The following HABP4 variants were observed in gnomAD, a reference collection of about 807,000 sequenced individuals.
HABP4 encodes the protein intracellular hyaluronan-binding protein 4.
A neutral mutation model predicts 44.1 loss-of-function variants in HABP4; 32 were observed. That is an observed-to-expected ratio of 0.73 (90% CI 0.55 to 0.97). The LOEUF (loss-of-function observed/expected upper bound fraction) is 0.97. HABP4 is among the 50% of genes least tolerant of loss of function. The pLI is 0.00. For missense variants in HABP4, 503 were observed against 561.9 expected (o/e 0.90, Z 1.06); for synonymous variants, 216 against 218.0 (o/e 0.99, Z 0.08).
chr9:96,474,063 G>C (rs1377459269), intron 5 of HABP4, among the ~76,000 whole-genome samples: 1 of 152,170 alleles, frequency 6.6e-6, no homozygotes, highest in Non-Finnish European at 1.5e-5. Context: ...TCCTAGAGTG[G>C]TGCCTGGCAT....
chr9:96,456,771 AAAAAAAAAAATATATATATATATAT>A (rs1469223733), intron 1 of HABP4, among the ~76,000 whole-genome samples: 3 of 70,740 alleles, frequency 4.2e-5, no homozygotes, highest in Non-Finnish European at 7.5e-5. Flanking sequence ...AAAAAAAAAA[AAAAAAAAAAATATATATATATATAT>A]ATATATATAT....
intron 1 of HABP4, among the ~76,000 whole-genome samples, chr9:96,456,768 AAAAAAAAAAAAAATATATATAT>A (rs1212963018): frequency 1.6e-5 from 1 of 61,050 alleles, no homozygotes; most frequent in African/African-American, 7.9e-5. Context: ...TCAAAAAAAA[AAAAAAAAAAAAAATATATATAT>A]ATATATATAT....
In HABP4 at chr9:96,488,223, C is replaced by A. The variant is rs146961411; in HGVS notation, c.1134C>A (p.Gly378=). 1.4e-5 allele frequency: 23 copies of A among 1,613,532 alleles called. No individual in the cohort carries two copies. The highest frequency in any genetic ancestry group is 1.9e-5 in the Non-Finnish European group (22 of 1,179,628). Residue 378 remains glycine, a synonymous_variant, in exon 7 of 8, where the codon GGC becomes GGA. Transcript: ENST00000375249. The surrounding 1 kb of genome is among the most constrained non-coding windows in gnomAD (Gnocchi z 4.6). ...GRGARGGTRG[G]RGRIRRAENY... ...GAGCCAGAGGAGGCACCCGGGGAGG[C>A]CGGGGAAGGATCAGGAGGGCAGAGA...
At chr9:96,475,875 C>T (rs1318643333) in intron 5 of HABP4, among the ~76,000 whole-genome samples, 1 of 152,132 alleles carries the variant, frequency 6.6e-6, no homozygotes, top group Non-Finnish European at 1.5e-5. Flanking sequence ...AGTGTATTTG[C>T]TTAAACAATG....
Position 96,489,682 on chromosome 9 carries a change from C to T in HABP4, c.1186-300C>T, listed in dbSNP as rs182629171. On this transcript the variant is annotated intron_variant, in intron 7 of 7. Transcript: ENST00000375249. ...GCACTGTCTGTGCTCCTCCAGTGCC[C>T]GGCACGCAGTAACCATTCTATTTAC... Among the ~76,000 whole-genome samples, 5 of 152,366 alleles carry T rather than the reference C, an allele frequency of 3.3e-5. No individual in the cohort carries two copies. In the East Asian group the frequency reaches 5.8e-4, roughly 18 times the overall value.
chr9:96,451,472 G>T, intron 1 of HABP4: 1 of 985,092 alleles, frequency 1.0e-6, no homozygotes, highest in South Asian at 4.7e-5. Context: ...TTGAAATGAG[G>T]CAGCGGTCCC....
chr9:96,463,222 A>G (rs1020719457), intron 2 of HABP4, among the ~76,000 whole-genome samples: 14 of 152,052 alleles, frequency 9.2e-5, no homozygotes, highest in East Asian at 1.9e-4. Flanking sequence ...CTGGGATTGC[A>G]GGAGTGAGCC....
At chr9:96,471,432 C>T (rs948431121) in intron 5 of HABP4, among the ~76,000 whole-genome samples, 2 of 152,062 alleles carry the variant, frequency 1.3e-5, no homozygotes, top group African/African-American at 4.8e-5. Context: ...TGAGCCACCG[C>T]ACCTGGCCTT....
chr9:96,455,539 G>T (rs968151939), intron 1 of HABP4, among the ~76,000 whole-genome samples: 2 of 151,634 alleles, frequency 1.3e-5, no homozygotes, highest in African/African-American at 2.4e-5. Context: ...TGAGGCGGGT[G>T]GATCACCTGA....
chr9:96,457,285 G>A (rs1458013498), intron 1 of HABP4, among the ~76,000 whole-genome samples: 1 of 152,056 alleles, frequency 6.6e-6, no homozygotes, highest in Non-Finnish European at 1.5e-5. Context: ...AGGTTGCAGT[G>A]AGCCGAGATC....
At chr9:96,471,149 C>CT (rs35109507) in intron 5 of HABP4, 55 bp downstream of exon 5, 36,174 of 734,562 alleles carry the variant, frequency 0.049, 1 homozygote, top group East Asian at 0.088. Context: ...TTAATGATTT[C>CT]TTTTTTTTTT....
intron 4 of HABP4, among the ~76,000 whole-genome samples, chr9:96,466,205 A>G (rs570712913): frequency 6.6e-6 from 1 of 152,178 alleles, no homozygotes; most frequent in South Asian, 2.1e-4. Context: ...CCCCGTTTCT[A>G]CTAAAAATAC....
intron 2 of HABP4, among the ~76,000 whole-genome samples, chr9:96,464,970 A>G (rs1188210193): frequency 6.6e-6 from 1 of 152,158 alleles, no homozygotes. Context: ...TTTTTTGAGT[A>G]AGGAAACTAG....
chr9:96,453,156 TC>T (rs1220734504), intron 1 of HABP4, among the ~76,000 whole-genome samples: 2 of 145,540 alleles, frequency 1.4e-5, no homozygotes, highest in Non-Finnish European at 3.0e-5. Context: ...AACCTCTGCC[TC>T]CCCGGTTCAA....
intron 2 of HABP4, among the ~76,000 whole-genome samples, chr9:96,458,912 C>A (rs1832449850): frequency 6.6e-6 from 1 of 152,144 alleles, no homozygotes; most frequent in South Asian, 2.1e-4. Context: ...AGTGAGCCAC[C>A]ATGCCCGGCC....
chr9:96,452,226 C>CAA (rs74398822), intron 1 of HABP4, among the ~76,000 whole-genome samples: 43 of 109,242 alleles, frequency 3.9e-4, no homozygotes, highest in African/African-American at 1.1e-3. Flanking sequence ...GACTCCGTCA[C>CAA]AAAAAAAAAA....
In HABP4 at chr9:96,458,388, G is replaced by T. The variant is rs749991176; in HGVS notation, c.359G>T (p.Arg120Leu). Residue 120 changes from arginine to leucine, a missense_variant, in exon 2 of 8, where the codon CGG (arginine) becomes CTG (leucine). By Grantham distance (102) the Arg-to-Leu change is moderately radical. Coordinates refer to ENST00000375249, the MANE Select transcript of HABP4 (RefSeq NM_014282.4). ...GGGLQAPGQK[R>L]TPRRGEQQGW... is the part of the protein sequence containing the mutation. Reference sequence around the variant, plus strand: ...GATTTTCTGTTGGTAGGCCAGAAGCGGACTCCTAGAAGAGGGGAGCAGCAA... The same window carrying T: ...GATTTTCTGTTGGTAGGCCAGAAGCTGACTCCTAGAAGAGGGGAGCAGCAA... 1.2e-6 allele frequency: 2 copies of T among 1,613,938 alleles called. No homozygotes were observed. Among genetic ancestry groups the T allele is most frequent in the East Asian group, 2.2e-5 (1 of 44,874 alleles).
intron 5 of HABP4, among the ~76,000 whole-genome samples, chr9:96,473,236 C>G (rs1295929886): frequency 1.3e-5 from 2 of 152,188 alleles, no homozygotes; most frequent in Non-Finnish European, 2.9e-5. Context: ...CTGGGACATC[C>G]CAGATGCTCC....
At chr9:96,467,071 C>T (rs963651877) in intron 4 of HABP4, among the ~76,000 whole-genome samples, 2 of 151,822 alleles carry the variant, frequency 1.3e-5, no homozygotes, top group Non-Finnish European at 2.9e-5. Flanking sequence ...TACAGGTGCA[C>T]GCCACCATGC....
Sources: allele counts gnomAD v4.1 joint callset (sites outside exome capture counted in the v4.1 genomes callset), GRCh38; gene constraint gnomAD v4.1.1; non-coding constraint Gnocchi (gnomAD v3.1); transcripts MANE v1.5; gene names NCBI Gene and HGNC (gene_info 2026-07-23, HGNC 2026-07-21).